LGALS4: variants seen among roughly 807,000 people sequenced by gnomAD.
The protein encoded by LGALS4 is galectin 4.
Under a neutral mutation model 39.6 loss-of-function variants are expected in LGALS4, and 37 were observed. The observed-to-expected ratio is 0.93, with a 90% CI of 0.72 to 1.23. The LOEUF is 1.23. Among genes scored for constraint, LGALS4 ranks in the 50% most tolerant of loss-of-function variants. LGALS4 has a pLI of 0.00. For synonymous variants in LGALS4, 160 were observed against 165.5 expected, an observed-to-expected ratio of 0.97 and a Z score of 0.25; for missense variants, 397 against 433.2, an observed-to-expected ratio of 0.92 and a Z score of 0.74.
At chr19:38,804,572 TTC>T (rs1971400322) in intron 4 of LGALS4, among the ~76,000 whole-genome samples, 1 of 152,158 alleles carries the variant, frequency 6.6e-6, no homozygotes, top group Non-Finnish European at 1.5e-5. Flanking sequence ...CTCTCTCTCT[TTC>T]TCTCTGTTAC....
intron 2 of LGALS4, among the ~76,000 whole-genome samples, chr19:38,809,249 A>G (rs1395072984): frequency 7.2e-6 from 1 of 139,550 alleles, no homozygotes; most frequent in Non-Finnish European, 1.5e-5. Flanking sequence ...CCGCGATCTC[A>G]GCTCACTGCA....
chr19:38,806,955 A>C (rs1971429421), intron 3 of LGALS4, among the ~76,000 whole-genome samples: 1 of 151,932 alleles, frequency 6.6e-6, no homozygotes, highest in African/African-American at 2.4e-5. Context: ...TCAAAAAAAA[A>C]AAAAAGCAAG....
chr19:38,812,394 C>A (rs779911750), intron 2 of LGALS4, 37 bp downstream of exon 2: 14 of 1,588,616 alleles, frequency 8.8e-6, no homozygotes, highest in African/African-American at 2.7e-5. Context: ...AGTTGGAAGT[C>A]CCCTGCCAGC....
chr19:38,804,001 G>T, intron 4 of LGALS4, 106 bp from the exon 5 acceptor site: 1 of 1,247,896 alleles, frequency 8.0e-7, no homozygotes, highest in Non-Finnish European at 1.1e-6. Context: ...CCACCACTAT[G>T]CCAGAGAACT....
intron 2 of LGALS4, among the ~76,000 whole-genome samples, chr19:38,812,140 C>T (rs73933060): frequency 0.02 from 2,988 of 152,280 alleles, 101 homozygotes; most frequent in African/African-American, 0.069. Flanking sequence ...GATTTTAACT[C>T]GGGGACCCGG....
intron 2 of LGALS4, among the ~76,000 whole-genome samples, chr19:38,809,922 A>G (rs79837758): frequency 0.073 from 11,014 of 151,862 alleles, 1,306 homozygotes; most frequent in African/African-American, 0.25. Context: ...CCTGAAGATC[A>G]TTTCCCTCAT....
At chr19:38,807,803 T>A (rs1458481111) in intron 3 of LGALS4, among the ~76,000 whole-genome samples, 1 of 152,188 alleles carries the variant, frequency 6.6e-6, no homozygotes. Context: ...CTGCCTTGAG[T>A]TGCTGTTAAT....
intron 2 of LGALS4, among the ~76,000 whole-genome samples, chr19:38,810,354 CTTTTT>C (rs761533885): frequency 1.8e-4 from 17 of 92,882 alleles, no homozygotes; most frequent in South Asian, 1.2e-3. Context: ...GAGATTTCGC[CTTTTT>C]TTTTTTTTTT....
intron 4 of LGALS4, among the ~76,000 whole-genome samples, chr19:38,806,084 T>C (rs1315717691): frequency 6.8e-6 from 1 of 148,088 alleles, no homozygotes; most frequent in African/African-American, 2.5e-5. Context: ...AAAGAAAAAA[T>C]AGACCAACTG....
chr19:38,812,803 G>A (rs529114777), intron 1 of LGALS4, 39 bp downstream of exon 1: 29 of 1,605,098 alleles, frequency 1.8e-5, no homozygotes, highest in East Asian at 4.5e-5. Flanking sequence ...GCTTATGGAC[G>A]GAGCTGCGGG....
rs187364688 is a variant in LGALS4, at chr19:38,802,411, G to A, written c.571-7C>T. 2.9e-4 allele frequency: 464 copies of A among 1,611,834 alleles called. 5 individuals are homozygous for A. In the African/African-American group the frequency reaches 4.2e-3, roughly 15 times the overall value. ...TCCCGAAATATGGCACAGGCTGTGG[G>A]AAGAGAACGGGGGGTCCCATTCTCT... On this transcript the variant is annotated splice_polypyrimidine_tract_variant and splice_region_variant and intron_variant, in intron 7 of 9. Transcript: ENST00000307751.
At chr19:38,802,671 A>G (rs1971371277) in intron 7 of LGALS4, among the ~76,000 whole-genome samples, 2 of 149,688 alleles carry the variant, frequency 1.3e-5, no homozygotes, top group African/African-American at 4.9e-5. Context: ...TGCAGGAACA[A>G]AGGAACAAAT....
Position 38,808,883 on chromosome 19 carries a change from C to G in LGALS4, c.200G>C (p.Arg67Pro). 6.2e-7 allele frequency: 1 copy of G among 1,614,106 alleles called. No individual in the cohort carries two copies. Among genetic ancestry groups the G allele is most frequent in the South Asian group, 1.1e-5 (1 of 91,086 alleles). The change falls in exon 3 of 10, where the codon CGG (arginine) becomes CCG (proline). Residue 67 changes from arginine to proline, a missense_variant. By Grantham distance (103) the Arg-to-Pro change is moderately radical (BLOSUM62 -2). Coordinates refer to ENST00000307751, the MANE Select transcript of LGALS4 (RefSeq NM_006149.4). ...GACCACCTTGTCCCAGCCGTCAAAC[C>G]GCGGATTGAAGTGGAAGGCGACGTC... is the stretch of plus-strand genomic sequence containing the variant. ...GSDVAFHFNPRFDGWDKVVFN... is the reference protein window; with the variant it reads ...GSDVAFHFNPPFDGWDKVVFN...
intron 3 of LGALS4, 121 bp from the exon 4 acceptor site, chr19:38,806,716 G>T: frequency 1.0e-6 from 1 of 978,204 alleles, no homozygotes; most frequent in Non-Finnish European, 1.5e-6. Flanking sequence ...GGAGGCTGAG[G>T]GGGGTGGATC....
rs780764230 is a variant in LGALS4, at chr19:38,802,006, C to G, written c.811G>C (p.Gly271Arg). 6.2e-7 allele frequency: 1 copy of G among 1,614,056 alleles called. No individual in the cohort carries two copies. The highest frequency in any genetic ancestry group is 2.2e-5 in the East Asian group (1 of 44,892). Residue 271 changes from glycine to arginine, a missense_variant, in exon 9 of 10, where the codon GGA becomes CGA. Coordinates refer to ENST00000307751, the MANE Select transcript of LGALS4 (RefSeq NM_006149.4). ...CTCAGACTCACATCAAAGAACTGTC[C>G]GGGACCAAATGGGTTGTGGGTGATC... ...KKITHNPFGP[G>R]QFFDLSIRCG...
chr19:38,802,271 T>C (rs1971365706), intron 8 of LGALS4, 45 bp downstream of exon 8: 1 of 1,600,688 alleles, frequency 6.2e-7, no homozygotes, highest in African/African-American at 1.3e-5. Flanking sequence ...TTGTTGGGTC[T>C]GAGGGAGGAG....
At chr19:38,804,031 C>A (rs958040597) in intron 4 of LGALS4, 136 bp from the exon 5 acceptor site, 40 of 993,350 alleles carry the variant, frequency 4.0e-5, no homozygotes. Context: ...AAGGGTGGCA[C>A]CCCGATCACA....
At chr19:38,806,657 G>A in intron 3 of LGALS4, 62 bp from the exon 4 acceptor site, 1 of 1,583,226 alleles carries the variant, frequency 6.3e-7, no homozygotes, top group Non-Finnish European at 8.6e-7. Flanking sequence ...GTACAAACAG[G>A]AAGCAAGGGC....
intron 7 of LGALS4, 105 bp downstream of exon 7, chr19:38,803,417 C>T: frequency 1.7e-6 from 2 of 1,166,232 alleles, no homozygotes; most frequent in Non-Finnish European, 2.6e-6. Flanking sequence ...CCTTCCCCTA[C>T]CTCCCACCCC....
Sources: allele counts gnomAD v4.1 joint callset (sites outside exome capture counted in the v4.1 genomes callset), GRCh38; gene constraint gnomAD v4.1.1; transcripts MANE v1.5; gene names NCBI Gene and HGNC (gene_info 2026-07-23, HGNC 2026-07-21).